The following ACACA variants were observed in gnomAD, a reference collection of about 807,000 sequenced individuals.
ACACA encodes the protein acetyl-CoA carboxylase 1.
Under a neutral mutation model 296.1 loss-of-function variants are expected in ACACA, and 103 were observed. The ratio of observed to expected loss-of-function variants is 0.35; its 90% CI spans 0.30 to 0.41. The LOEUF is 0.41. Ranked by LOEUF, ACACA falls within the 10% of genes least tolerant of loss-of-function variation. The probability of loss-of-function intolerance (pLI) is 1.00; values close to 1 mark genes in which losing one functional copy is unlikely to be tolerated. For synonymous variants in ACACA, 953 were observed against 1,038.6 expected (o/e 0.92, Z 1.58); for missense variants, 1,554 against 2,989.7 (o/e 0.52, Z 11.20).
rs2080341198 is a variant in ACACA, at chr17:37,240,513, G to C, written c.3084C>G (p.Leu1028=). The change falls in exon 24 of 56, where the codon CTC becomes CTG. Residue 1028 remains leucine (L), a synonymous_variant. Transcript: ENST00000616317. ...GTGTCTCTACTCGCAGGTACTGCCGGAGCAGATCCATCACCACAGCCTTCA... is the reference window on the plus strand; with the variant it reads ...GTGTCTCTACTCGCAGGTACTGCCGCAGCAGATCCATCACCACAGCCTTCA... The part of the protein sequence containing the change: ...GHMKAVVMDL[L]RQYLRVETQF... 2 of 1,613,802 alleles carry C rather than the reference G, an allele frequency of 1.2e-6. No individual in the cohort carries two copies. The highest frequency in any genetic ancestry group is 1.7e-6 in the Non-Finnish European group (2 of 1,180,012).
chr17:37,161,435 T>C (rs2076456663), intron 42 of ACACA, among the ~76,000 whole-genome samples: 1 of 152,152 alleles, frequency 6.6e-6, no homozygotes, highest in African/African-American at 2.4e-5. Flanking sequence ...AGGTAAGGGA[T>C]TTTGTTGATA....
chr17:37,260,271 TATATATATATATATATATATATA>T (rs2081406352), intron 11 of ACACA, among the ~76,000 whole-genome samples: 3 of 25,310 alleles, frequency 1.2e-4, no homozygotes, highest in Non-Finnish European at 1.9e-4. Flanking sequence ...TATATATATA[TATATATATATATATATATATATA>T]TATTTTTTTT....
intron 14 of ACACA, among the ~76,000 whole-genome samples, 177 bp downstream of exon 14, chr17:37,257,526 T>G (rs1406856633): frequency 6.6e-6 from 1 of 152,216 alleles, no homozygotes; most frequent in Non-Finnish European, 1.5e-5. Flanking sequence ...TGCCAAGCAC[T>G]GCATAATTTA....
At chr17:37,151,636 G>C (rs2076042111) in intron 43 of ACACA, among the ~76,000 whole-genome samples, 1 of 152,106 alleles carries the variant, frequency 6.6e-6, no homozygotes, top group African/African-American at 2.4e-5. Flanking sequence ...TTAATAGAAA[G>C]AGCGAAATCT....
In ACACA at chr17:37,085,421, G is replaced by C. The variant is rs1384516219; in HGVS notation, c.*1895C>G. The C allele has an allele frequency of 5.1e-6, 2 of 394,388 alleles. No individual in the cohort carries two copies. The highest frequency in any genetic ancestry group is 4.1e-5 in the African/African-American group (2 of 48,522). The allele number at this position is 394,388 out of a possible 1,614,324, so 24.4% of individuals were successfully genotyped here. On this transcript the variant is annotated 3_prime_UTR_variant, in exon 56 of 56. Transcript: ENST00000616317. ...TGCCTCTGAAGACATGCCTGGACAG[G>C]CCTCCTGGGGGGTGCAGGACTTCAT... is the stretch of plus-strand genomic sequence containing the variant.
Position 37,268,743 on chromosome 17 carries a change from A to ATATATATATATC in ACACA, c.1119+2007_1119+2008insGATATATATATA, listed in dbSNP as rs2081925589. Reference sequence around the variant, plus strand: ...TATCTATCTATCTATCTATCTATCTATATATATATATATATATATATATAT... The same window carrying ATATATATATATC: ...TATCTATCTATCTATCTATCTATCTATATATATATATCTATATATATATATATATATATATAT... On this transcript the variant is annotated intron_variant, in intron 10 of 55. Transcript: ENST00000616317. Among the ~76,000 whole-genome samples the ATATATATATATC allele has an allele frequency of 3.9e-5, 4 of 102,070 alleles. No homozygotes were observed. In the East Asian group the frequency reaches 1.2e-3, roughly 30 times the overall value. 67.0% of individuals were successfully genotyped at this position (102,070 alleles called of 152,430 possible). A position where few individuals can be genotyped will look rare whatever the true frequency, so the allele number is the denominator to read the frequency against.
At chr17:37,349,428 A>G (rs1363072496) in intron 1 of ACACA, among the ~76,000 whole-genome samples, 1 of 147,912 alleles carries the variant, frequency 6.8e-6, no homozygotes, top group Non-Finnish European at 1.5e-5. Context: ...ATATATACAT[A>G]TATCTTACAT....
rs916687689 is a variant in ACACA at position 37,355,858 on chromosome 17, C to CAAAT, written c.39-16012_39-16009dup. The stretch of plus-strand genomic sequence containing the variant: ...GGGCAACAAGAGTGAAACTCTGTCT[C>CAAAT]AAATAAATAAATAAATAAATAAAAT... On this transcript the variant is annotated intron_variant, in intron 1 of 55. Transcript: ENST00000616317. Among the ~76,000 whole-genome samples, 76 of 151,508 alleles carry CAAAT rather than the reference C, an allele frequency of 5.0e-4. 1 individual carries two copies. The highest frequency in any genetic ancestry group is 3.3e-3 in the East Asian group (17 of 5,132).
intron 45 of ACACA, among the ~76,000 whole-genome samples, chr17:37,142,002 G>GT (rs11380975): frequency 6.8e-4 from 95 of 139,820 alleles, no homozygotes; most frequent in East Asian, 2.0e-3. Flanking sequence ...AGTTTTTTTT[G>GT]TTTTTTTTTG....
chr17:37,234,703 C>T (rs893443119), intron 25 of ACACA, among the ~76,000 whole-genome samples: 3 of 151,940 alleles, frequency 2.0e-5, no homozygotes, highest in Non-Finnish European at 4.4e-5. Context: ...TGGTGAAGCA[C>T]GAGGCATTTC....
rs372772739 is a variant in ACACA, at chr17:37,183,551, G to A, written c.4777-2195C>T. On this transcript the variant is annotated intron_variant, in intron 39 of 55. Transcript: ENST00000616317. ...ATTAGACAATGAGAACTAGAGGGCC[G>A]GGCGCAGTGGCTCACGCCTGCAATC... Among the ~76,000 whole-genome samples the A allele has an allele frequency of 9.2e-5, 14 of 152,180 alleles. No homozygotes were observed. In the East Asian group the frequency reaches 1.2e-3, roughly 13 times the overall value.
At chr17:37,375,975 C>A in intron 1 of ACACA, 1 of 756,712 alleles carries the variant, frequency 1.3e-6, no homozygotes, top group Admixed American at 2.1e-5. Flanking sequence ...GAATCAGAGT[C>A]TCTCAGGGTC....
intron 54 of ACACA, among the ~76,000 whole-genome samples, chr17:37,089,464 G>A (rs937454370): frequency 6.6e-6 from 1 of 152,190 alleles, no homozygotes; most frequent in Non-Finnish European, 1.5e-5. Context: ...GAGAAGGCAA[G>A]GCTGTTTATT....
intron 29 of ACACA, 102 bp from the exon 30 acceptor site, chr17:37,210,592 G>T: frequency 9.6e-7 from 1 of 1,041,360 alleles, no homozygotes; most frequent in Non-Finnish European, 1.5e-6. Flanking sequence ...GCTCCAGTTT[G>T]GCAGCTCTGG....
At chr17:37,281,887 C>T (rs746447204) in intron 5 of ACACA, among the ~76,000 whole-genome samples, 4 of 152,074 alleles carry the variant, frequency 2.6e-5, no homozygotes, top group Non-Finnish European at 4.4e-5. Flanking sequence ...AAAAAAACCA[C>T]GCAAGTTAAT....
In ACACA at chr17:37,324,159, G is replaced by A. The variant is rs190772607; in HGVS notation, c.338+6014C>T. Among the ~76,000 whole-genome samples, 47 of 152,316 alleles carry A rather than the reference G, an allele frequency of 3.1e-4. 1 individual carries two copies. The East Asian group carries it at 7.7e-3, about 25-fold the overall frequency. ...AGGTGGGCAGATCACCTGAGGTCGG[G>A]AATTCAAGACCAGCCTGACCTACAT... is the stretch of plus-strand genomic sequence containing the variant. On this transcript the variant is annotated intron_variant, in intron 3 of 55. Transcript: ENST00000616317.
At chr17:37,278,730 T>C (rs1165309808) in intron 5 of ACACA, among the ~76,000 whole-genome samples, 1 of 152,198 alleles carries the variant, frequency 6.6e-6, no homozygotes, top group African/African-American at 2.4e-5. Flanking sequence ...ATCAACCCAA[T>C]ATGTGACAGA....
intron 1 of ACACA, among the ~76,000 whole-genome samples, chr17:37,384,360 G>A (rs1041240667): frequency 6.6e-6 from 1 of 152,212 alleles, no homozygotes; most frequent in African/African-American, 2.4e-5. Flanking sequence ...AAAGACGGCT[G>A]TTATCAATAT....
intron 52 of ACACA, among the ~76,000 whole-genome samples, chr17:37,109,657 C>A (rs2073876049): frequency 6.6e-6 from 1 of 152,332 alleles, no homozygotes; most frequent in South Asian, 2.1e-4. Context: ...ACGGCTATCA[C>A]TTGGGAGTCT....
Sources: gnomAD v4.1 joint callset for allele counts (sites outside exome capture counted in the v4.1 genomes callset) on GRCh38, gnomAD v4.1.1 for gene constraint, MANE v1.5 for transcripts, NCBI Gene and HGNC (gene_info 2026-07-23, HGNC 2026-07-21) for gene names.